Variants in STK3 observed in about 807,000 individuals in gnomAD.
The protein encoded by STK3 is serine/threonine-protein kinase 3.
Under a neutral mutation model 58.0 loss-of-function variants are expected in STK3, and 41 were observed. The ratio of observed to expected loss-of-function variants is 0.71; its 90% CI spans 0.55 to 0.92. The LOEUF is 0.92. STK3 is among the 40% of genes least tolerant of loss of function. The pLI, the probability that STK3 is intolerant of heterozygous loss-of-function variation, is 0.00. For missense variants in STK3, 479 were observed against 602.7 expected, an observed-to-expected ratio of 0.79 and a Z score of 2.15; for synonymous variants, 170 against 191.0, an observed-to-expected ratio of 0.89 and a Z score of 0.91.
rs192557857 is a variant in STK3, at chr8:98,405,278, C to A, written n.484-3765G>T. 3.0e-4 allele frequency among the ~76,000 whole-genome samples: 46 copies of A among 152,256 alleles called. No individual in the cohort carries two copies. The East Asian group carries it at 3.1e-3, about 10-fold the overall frequency. ...TCTGAGAATCCACTTCTGATGGTGC[C>A]CCTAGGAGAGGGGTGACAATTTTGG... is the stretch of plus-strand genomic sequence containing the variant. On this transcript the variant is annotated intron_variant and non_coding_transcript_variant, in intron 3 of 3. Transcript: ENST00000517832.
chr8:98,524,202 T>C (rs1825585669), intron 10 of STK3, among the ~76,000 whole-genome samples: 2 of 152,240 alleles, frequency 1.3e-5, no homozygotes, highest in African/African-American at 4.8e-5. Flanking sequence ...TCTATTCCAT[T>C]GGTCTACATG....
At chr8:98,662,828 C>A (rs1822061581) in intron 6 of STK3, among the ~76,000 whole-genome samples, 1 of 152,050 alleles carries the variant, frequency 6.6e-6, no homozygotes, top group South Asian at 2.1e-4. Flanking sequence ...CTCACCCCTC[C>A]CCCAACCCCA....
chr8:98,764,564 T>C (rs558747457), intron 3 of STK3, among the ~76,000 whole-genome samples: 10 of 152,362 alleles, frequency 6.6e-5, no homozygotes, highest in African/African-American at 2.4e-4. Context: ...AAGTAGATGA[T>C]GATGCCTTTG....
chr8:98,365,449 A>G, the STK3 span, among the ~76,000 whole-genome samples: 10 of 152,348 alleles, frequency 6.6e-5, no homozygotes, highest in Admixed American at 1.3e-4. Context: ...CTCTGGAAGA[A>G]GAGAGTGAGA....
intron 4 of STK3, among the ~76,000 whole-genome samples, chr8:98,709,926 ATT>A (rs142232204): frequency 1.3e-5 from 2 of 150,408 alleles, no homozygotes; most frequent in Non-Finnish European, 3.0e-5. Context: ...AGTTTTTGCC[ATT>A]TTTTTTTTAA....
At chr8:98,822,710 G>A (rs1324968164) in intron 1 of STK3, among the ~76,000 whole-genome samples, 1 of 152,178 alleles carries the variant, frequency 6.6e-6, no homozygotes, top group Non-Finnish European at 1.5e-5. Flanking sequence ...AAAGCTGGGA[G>A]TACCCACAGC....
At chr8:98,767,117 G>T in intron 3 of STK3, 126 bp downstream of exon 3, 2 of 1,180,130 alleles carry the variant, frequency 1.7e-6, no homozygotes, top group Non-Finnish European at 2.3e-6. Context: ...GCAAAACCCT[G>T]TCTCAAAAAA....
chr8:98,698,275 T>A (rs1825180137), intron 6 of STK3, among the ~76,000 whole-genome samples: 1 of 151,618 alleles, frequency 6.6e-6, no homozygotes, highest in Non-Finnish European at 1.5e-5. Flanking sequence ...GTGAGATGGG[T>A]TTCCTGAATA....
chr8:98,693,792 TAC>T (rs1824604944), intron 6 of STK3, among the ~76,000 whole-genome samples: 6 of 152,352 alleles, frequency 3.9e-5, no homozygotes, highest in African/African-American at 1.4e-4. Flanking sequence ...GGTGTGGTAT[TAC>T]TCAAGTCTCA....
At chr8:98,441,636 A>C (rs1818700356) in intron 1 of STK3, among the ~76,000 whole-genome samples, 1 of 152,160 alleles carries the variant, frequency 6.6e-6, no homozygotes, top group South Asian at 2.1e-4. Flanking sequence ...GACTACATTT[A>C]TTTGTTCAAT....
chr8:98,787,394 A>C (rs1832540842), intron 1 of STK3, among the ~76,000 whole-genome samples: 1 of 151,880 alleles, frequency 6.6e-6, no homozygotes, highest in African/African-American at 2.4e-5. Flanking sequence ...AGGAAAAAGA[A>C]TAAGAAAATA....
intron 1 of STK3, among the ~76,000 whole-genome samples, chr8:98,939,803 C>A (rs1240358007): frequency 6.6e-6 from 1 of 152,268 alleles, no homozygotes; most frequent in East Asian, 1.9e-4. Context: ...CGTCTACCCA[C>A]GTTGAGCACG....
chr8:98,693,297 C>T (rs898097439), intron 6 of STK3, among the ~76,000 whole-genome samples: 10 of 152,020 alleles, frequency 6.6e-5, no homozygotes, highest in African/African-American at 2.4e-4. Context: ...ACTTGCGGGG[C>T]TGAGGCGGGA....
chr8:98,878,709 A>G (rs181589466), intron 3 of STK3, among the ~76,000 whole-genome samples: 2 of 152,224 alleles, frequency 1.3e-5, no homozygotes, highest in Admixed American at 1.3e-4. Context: ...TCCATTTGTA[A>G]GGGTGCACCC....
intron 1 of STK3, among the ~76,000 whole-genome samples, chr8:98,899,195 A>G (rs570794386): frequency 1.2e-3 from 178 of 152,338 alleles, no homozygotes; most frequent in African/African-American, 3.8e-3. Context: ...ATGCCACAGG[A>G]TCACCCAGGC....
At position 98,707,133 on chromosome 8, in the gene STK3, TA is replaced by T. The variant is rs774846772; in HGVS notation, c.516+13del. ...ATTAGCCAAGTGTTTAGAAAACCATTAAAGTTAACTTACTGTTAACTGACCA... is the reference window on the plus strand; with the variant it reads ...ATTAGCCAAGTGTTTAGAAAACCATTAAGTTAACTTACTGTTAACTGACCA... On this transcript the variant is annotated intron_variant, in intron 5 of 10. Transcript: ENST00000419617. The T allele has an allele frequency of 6.3e-7, 1 of 1,592,720 alleles. No individual in the cohort carries two copies. Among genetic ancestry groups the T allele is most frequent in the South Asian group, 1.2e-5 (1 of 84,026 alleles).
chr8:98,766,174 G>A (rs779380536), intron 3 of STK3, among the ~76,000 whole-genome samples: 1 of 152,084 alleles, frequency 6.6e-6, no homozygotes, highest in Non-Finnish European at 1.5e-5. Flanking sequence ...CCATGCACCA[G>A]TCACTACAAT....
rs144178177 is a variant in STK3, at chr8:98,635,098, T to A, written c.685-38929A>T. ...AAGAAGAAAGAGGCATACCCTTCTA[T>A]AATACTACAGCCAGAAAAGGGTAAA... is the stretch of plus-strand genomic sequence containing the variant. On this transcript the variant is annotated intron_variant, in intron 6 of 10. Coordinates refer to ENST00000419617, the MANE Select transcript of STK3 (RefSeq NM_006281.4). Among the ~76,000 whole-genome samples, 569 of 152,214 alleles carry A rather than the reference T, an allele frequency of 3.7e-3. 1 individual carries two copies. The highest frequency in any genetic ancestry group is 0.013 in the African/African-American group (546 of 41,546).
chr8:98,667,283 A>G (rs1822435541), intron 6 of STK3, among the ~76,000 whole-genome samples: 1 of 152,188 alleles, frequency 6.6e-6, no homozygotes, highest in Non-Finnish European at 1.5e-5. Context: ...AATTTTTAAA[A>G]AACAGAATGA....
Sources: gnomAD v4.1 joint callset for allele counts (sites outside exome capture counted in the v4.1 genomes callset) on GRCh38, gnomAD v4.1.1 for gene constraint, MANE v1.5 for transcripts, NCBI Gene and HGNC (gene_info 2026-07-23, HGNC 2026-07-21) for gene names.